GK: variants seen among roughly 807,000 people sequenced by gnomAD.
GK encodes the protein glycerol kinase, also known as ATP:glycerol 3-phosphotransferase.
In GK, 9 loss-of-function variants were observed where a neutral mutation model predicts 56.4. That is an observed-to-expected ratio of 0.16 (90% confidence interval 0.10 to 0.28). The LOEUF (loss-of-function observed/expected upper bound fraction) is 0.28. Among genes scored for constraint, GK ranks in the 10% least tolerant of loss-of-function variants. The pLI, the probability that GK is intolerant of heterozygous loss-of-function variation, is 1.00. For synonymous variants in GK, 104 were observed against 144.1 expected, an observed-to-expected ratio of 0.72 and a Z score of 1.99; for missense variants, 161 against 431.4, an observed-to-expected ratio of 0.37 and a Z score of 5.55.
At chrX:30,688,057 T>C (rs1444242291) in intron 4 of GK, among the ~76,000 whole-genome samples, 1 of 112,090 alleles carries the variant, frequency 8.9e-6, no homozygotes, top group Non-Finnish European at 1.9e-5. Flanking sequence ...TAGTCCAGCC[T>C]CCTTATTTTA....
Position 30,724,659 on chromosome X carries a change from T to C in GK, c.1582+478T>C. 3 of 308,114 alleles carry C rather than the reference T, an allele frequency of 9.7e-6. No individual in the cohort carries two copies. In the Middle Eastern group the frequency reaches 1.4e-3, roughly 148 times the overall value. 25.4% of individuals were successfully genotyped at this position (308,114 alleles called of 1,213,427 possible). A position where few individuals can be genotyped will look rare whatever the true frequency, so the allele number is the denominator to read the frequency against. On this transcript the variant is annotated intron_variant, in intron 19 of 20. Transcript: ENST00000427190. ...TCCTTTGGAATCAGAGAAAGAAATATACCAAACATAGTAAATTCGAACTCT... is the reference window on the plus strand; with the variant it reads ...TCCTTTGGAATCAGAGAAAGAAATACACCAAACATAGTAAATTCGAACTCT...
At chrX:30,695,888 C>T (rs1318187195) in intron 6 of GK, among the ~76,000 whole-genome samples, 154 bp from the exon 7 acceptor site, 1 of 112,515 alleles carries the variant, frequency 8.9e-6, no homozygotes, top group Non-Finnish European at 1.9e-5. Flanking sequence ...GAATATACAC[C>T]AGATTTCAAA....
intron 1 of GK, among the ~76,000 whole-genome samples, chrX:30,661,668 T>C (rs1264026372): frequency 9.0e-6 from 1 of 111,343 alleles, no homozygotes; most frequent in Non-Finnish European, 1.9e-5. Flanking sequence ...TTACATGTCC[T>C]TTCTCCTCTT....
At chrX:30,707,487 G>A (rs1476353255) in intron 11 of GK, 69 bp from the exon 12 acceptor site, 1 of 648,500 alleles carries the variant, frequency 1.5e-6, no homozygotes, top group East Asian at 3.3e-5. Flanking sequence ...TTGATCATTT[G>A]TGTTATTAAT....
chrX:30,721,251 G>T, intron 18 of GK: 1 of 387,458 alleles, frequency 2.6e-6, no homozygotes, highest in Non-Finnish European at 4.5e-6. Context: ...TTTAGTGTAG[G>T]ATAATAATAC....
In GK at chrX:30,726,650, A is replaced by G. The variant is rs189433940; in HGVS notation, c.1583-816A>G. The stretch of plus-strand genomic sequence containing the variant: ...AATATTTAATATTTTGGGGGTCTCT[A>G]AGCTGTATAATAAGCTTGGAATAGT... On this transcript the variant is annotated intron_variant, in intron 19 of 20. Coordinates refer to ENST00000427190, the MANE Select transcript of GK (RefSeq NM_001205019.2). Among the ~76,000 whole-genome samples the G allele has an allele frequency of 6.2e-4, 69 of 111,798 alleles. 1 individual carries two copies. Among genetic ancestry groups the G allele is most frequent in the African/African-American group, 2.1e-3 (65 of 30,795 alleles).
intron 4 of GK, among the ~76,000 whole-genome samples, chrX:30,681,166 A>T (rs1479096662): frequency 8.9e-6 from 1 of 112,475 alleles, no homozygotes; most frequent in East Asian, 2.8e-4. Context: ...AACAGACTCA[A>T]GAAATTCAGA....
chrX:30,693,560 T>A (rs751803598), intron 5 of GK, among the ~76,000 whole-genome samples: 9 of 110,719 alleles, frequency 8.1e-5, no homozygotes, highest in African/African-American at 3.0e-4. Context: ...TATTTTTTAT[T>A]TTTTTTGAGA....
At chrX:30,709,583 C>T (rs1197901428) in intron 13 of GK, among the ~76,000 whole-genome samples, 1 of 111,299 alleles carries the variant, frequency 9.0e-6, no homozygotes, top group Non-Finnish European at 1.9e-5. Context: ...CAATTCATGT[C>T]GTCCAGAATG....
chrX:30,655,277 C>T (rs766977763), intron 1 of GK, among the ~76,000 whole-genome samples: 18 of 112,244 alleles, frequency 1.6e-4, no homozygotes, highest in Admixed American at 4.7e-4. Flanking sequence ...ATAATATACA[C>T]GATCATCATC....
chrX:30,698,881 A>G lies in GK; in HGVS notation c.747+1132A>G, dbSNP rs186935228. Among the ~76,000 whole-genome samples the G allele has an allele frequency of 4.0e-3, 430 of 107,401 alleles. 4 individuals are homozygous for G. Among genetic ancestry groups the G allele is most frequent in the African/African-American group, 0.013 (380 of 29,783 alleles). 93.3% of individuals were successfully genotyped at this position (107,401 alleles called of 115,157 possible). A position where few individuals can be genotyped will look rare whatever the true frequency, so the allele number is the denominator to read the frequency against. On this transcript the variant is annotated intron_variant, in intron 9 of 20. Transcript: ENST00000427190. ...AACTCCATCTCAAAAAAAAAAAAAA[A>G]AAAGAAAAGAAAATAGCAGGTTTTG...
intron 4 of GK, among the ~76,000 whole-genome samples, chrX:30,678,695 G>GTT (rs1299369559): frequency 0.012 from 780 of 67,059 alleles, 7 homozygotes; most frequent in Non-Finnish European, 0.017. Context: ...TCTTTCCTCT[G>GTT]TTTTTTTTTT....
chrX:30,723,474 C>T (rs1448259810), intron 18 of GK, among the ~76,000 whole-genome samples: 1 of 111,291 alleles, frequency 9.0e-6, no homozygotes, highest in East Asian at 2.8e-4. Context: ...CCCTTTCCCC[C>T]CAAAAAGAAG....
At chrX:30,724,475 G>GA (rs75486718) in intron 19 of GK, among the ~76,000 whole-genome samples, 9 of 105,782 alleles carry the variant, frequency 8.5e-5, no homozygotes, top group African/African-American at 2.1e-4. Flanking sequence ...TCTTCTTAAT[G>GA]AAAAAAAAAA....
At chrX:30,708,238 T>C (rs973911092) in intron 13 of GK, 104 bp downstream of exon 13, 2 of 478,846 alleles carry the variant, frequency 4.2e-6, no homozygotes, top group Non-Finnish European at 7.1e-6. Flanking sequence ...TACAGAGGAC[T>C]CAAAAAGTTC....
At chrX:30,704,868 C>T in intron 11 of GK, among the ~76,000 whole-genome samples, 1 of 111,765 alleles carries the variant, frequency 8.9e-6, no homozygotes, top group Middle Eastern at 4.6e-3. Flanking sequence ...CCGCGCCCAG[C>T]CGTTTTGTGA....
intron 8 of GK, among the ~76,000 whole-genome samples, chrX:30,697,252 T>A (rs1336034534): frequency 1.8e-5 from 2 of 111,927 alleles, no homozygotes; most frequent in East Asian, 5.6e-4. Flanking sequence ...TCATTAAGAG[T>A]CTGTGGTTAA....
chrX:30,674,308 C>T (rs1933731741), intron 3 of GK: 2 of 329,478 alleles, frequency 6.1e-6, no homozygotes, highest in Non-Finnish European at 1.2e-5. Context: ...GCAGATAACC[C>T]TACCTCCTGC....
rs940212768 is a variant in GK, at chrX:30,697,694, A to G, written c.730-38A>G. ...AGTTTTCTCTTGTATTTAAAATATT[A>G]TGCTTCTATCCTTCTCTCTCCCCCT... On this transcript the variant is annotated intron_variant, in intron 8 of 20. Transcript: ENST00000427190. 4.9e-6 allele frequency: 5 copies of G among 1,016,628 alleles called. No homozygotes were observed. The African/African-American group carries it at 5.6e-5, about 11-fold the overall frequency. 83.8% of individuals were successfully genotyped at this position (1,016,628 alleles called of 1,213,427 possible).
Sources: gnomAD v4.1 joint callset for allele counts (sites outside exome capture counted in the v4.1 genomes callset) on GRCh38, gnomAD v4.1.1 for gene constraint, MANE v1.5 for transcripts, NCBI Gene and HGNC (gene_info 2026-07-23, HGNC 2026-07-21) for gene names.